SLC6A20: variants seen among roughly 807,000 people sequenced by gnomAD.
SLC6A20 encodes sodium- and chloride-dependent transporter XTRP3.
In SLC6A20, 73 loss-of-function variants were observed where a neutral mutation model predicts 64.3. The ratio of observed to expected loss-of-function variants is 1.14; its 90% confidence interval spans 0.94 to 1.38. The LOEUF (loss-of-function observed/expected upper bound fraction) is 1.38, where lower values mean the gene tolerates loss of function less well. Among genes scored for constraint, SLC6A20 ranks in the 40% most tolerant of loss-of-function variants. The probability of loss-of-function intolerance (pLI) is 0.00; values close to 1 mark genes in which losing one functional copy is unlikely to be tolerated. For missense variants in SLC6A20, 725 were observed against 772.8 expected (o/e 0.94, Z 0.73); for synonymous variants, 347 against 329.6 (o/e 1.05, Z -0.57).
In SLC6A20 at chr3:45,757,650, A is replaced by G. The variant is rs144151884; in HGVS notation, c.*1328T>C. 1,997 of 164,962 alleles carry G rather than the reference A, an allele frequency of 0.012. 41 individuals carry two copies. Among genetic ancestry groups the G allele is most frequent in the African/African-American group, 0.046 (1,912 of 41,776 alleles). 10.2% of individuals were successfully genotyped at this position (164,962 alleles called of 1,614,324 possible). ...AAGCAGAAACAATTTTTCTTAGTAC[A>G]GATCAAAATGGAGTTTCTTATGTCT... On this transcript the variant is annotated 3_prime_UTR_variant, in exon 11 of 11. Transcript: ENST00000358525.
Sources: gnomAD v4.1 joint callset for allele counts on GRCh38, gnomAD v4.1.1 for gene constraint, MANE v1.5 for transcripts, NCBI Gene and HGNC (gene_info 2026-07-23, HGNC 2026-07-21) for gene names.